The following SPATA17 variants were observed in gnomAD, a reference collection of about 807,000 sequenced individuals.
The protein encoded by SPATA17 is spermatogenesis associated 17, also known as spermatogenesis-associated protein 17.
In SPATA17, 53 loss-of-function variants were observed where a neutral mutation model predicts 62.2. The observed-to-expected ratio is 0.85, with a 90% confidence interval of 0.68 to 1.07. SPATA17 has a LOEUF of 1.07. Ranked by LOEUF, SPATA17 falls within the 50% of genes least tolerant of loss-of-function variation. SPATA17 has a pLI of 0.00. For synonymous variants in SPATA17, 146 were observed against 146.8 expected (o/e 0.99, Z 0.04); for missense variants, 466 against 425.5 (o/e 1.10, Z -0.84).
chr1:217,807,385 AC>A (rs1335723174), intron 9 of SPATA17, among the ~76,000 whole-genome samples: 1 of 151,974 alleles, frequency 6.6e-6, no homozygotes, highest in Admixed American at 6.6e-5. Context: ...CATATAACAA[AC>A]CTGTATATGT....
intron 4 of SPATA17, among the ~76,000 whole-genome samples, chr1:217,670,738 G>A (rs770659723): frequency 1.2e-4 from 19 of 152,214 alleles, no homozygotes; most frequent in South Asian, 4.1e-4. Context: ...ATCACCTGAC[G>A]TCAGGAGTTC....
chr1:217,825,337 AT>A (rs1674967176), intron 9 of SPATA17, among the ~76,000 whole-genome samples: 1 of 151,870 alleles, frequency 6.6e-6, no homozygotes. Flanking sequence ...AGAACAAGTA[AT>A]ATACATGTAA....
chr1:217,806,409 G>T (rs988603190), intron 9 of SPATA17, among the ~76,000 whole-genome samples: 1 of 152,152 alleles, frequency 6.6e-6, no homozygotes, highest in Non-Finnish European at 1.5e-5. Flanking sequence ...AAACGGTCCT[G>T]CTCCCTGGGC....
chr1:217,659,306 A>G (rs1670515657), intron 3 of SPATA17, among the ~76,000 whole-genome samples: 1 of 152,038 alleles, frequency 6.6e-6, no homozygotes, highest in Non-Finnish European at 1.5e-5. Context: ...AACCCTTGGG[A>G]AGAAAACATG....
At chr1:217,651,888 C>T (rs959753254) in intron 3 of SPATA17, among the ~76,000 whole-genome samples, 8 of 152,128 alleles carry the variant, frequency 5.3e-5, no homozygotes, top group African/African-American at 7.2e-5. Context: ...AAGTAACCGT[C>T]GTACTCATTT....
intron 9 of SPATA17, among the ~76,000 whole-genome samples, chr1:217,855,256 T>C (rs1192355619): frequency 6.6e-6 from 1 of 152,206 alleles, no homozygotes; most frequent in African/African-American, 2.4e-5. Context: ...CAGTTTCATA[T>C]AGCCTTTCTC....
intron 5 of SPATA17, among the ~76,000 whole-genome samples, chr1:217,701,667 G>A (rs1283656008): frequency 6.6e-6 from 1 of 152,116 alleles, no homozygotes; most frequent in Non-Finnish European, 1.5e-5. Flanking sequence ...GACTAGAGGT[G>A]TGAGCCATCA....
intron 10 of SPATA17, among the ~76,000 whole-genome samples, chr1:217,864,999 G>A (rs1255146402): frequency 2.6e-5 from 4 of 151,764 alleles, no homozygotes; most frequent in South Asian, 4.2e-4. Flanking sequence ...TAACAATTTT[G>A]TGAATTGACA....
chr1:217,810,617 CA>C (rs112509140), intron 9 of SPATA17, among the ~76,000 whole-genome samples: 29 of 143,086 alleles, frequency 2.0e-4, no homozygotes, highest in African/African-American at 3.3e-4. Context: ...GACTCTGTCT[CA>C]AAAAAAAAAG....
intron 5 of SPATA17, among the ~76,000 whole-genome samples, chr1:217,728,851 G>T (rs939667360): frequency 1.3e-5 from 2 of 152,134 alleles, no homozygotes; most frequent in Non-Finnish European, 2.9e-5. Flanking sequence ...AGAAGAAAAG[G>T]TGCAGTTCCA....
At chr1:217,697,233 G>A (rs1558569542) in intron 5 of SPATA17, among the ~76,000 whole-genome samples, 2 of 152,058 alleles carry the variant, frequency 1.3e-5, no homozygotes, top group African/African-American at 2.4e-5. Context: ...CGACTGCCTC[G>A]GCCTCCCAAA....
chr1:217,768,418 C>T (rs1673356338), intron 6 of SPATA17, among the ~76,000 whole-genome samples: 2 of 152,046 alleles, frequency 1.3e-5, no homozygotes, highest in Non-Finnish European at 2.9e-5. Context: ...TATGGTTTCC[C>T]ACAACCATGT....
At chr1:217,707,732 C>A (rs1037083532) in intron 5 of SPATA17, among the ~76,000 whole-genome samples, 2 of 152,100 alleles carry the variant, frequency 1.3e-5, no homozygotes, top group Admixed American at 1.3e-4. Flanking sequence ...TACTTTCCAC[C>A]CCAAAACAAC....
intron 1 of SPATA17, among the ~76,000 whole-genome samples, chr1:217,638,908 C>T (rs1002133492): frequency 6.6e-6 from 1 of 151,860 alleles, no homozygotes; most frequent in African/African-American, 2.4e-5. Context: ...AAGGAAATAT[C>T]CATAAACACA....
intron 9 of SPATA17, among the ~76,000 whole-genome samples, chr1:217,836,306 T>C (rs779789162): frequency 2.0e-5 from 3 of 152,170 alleles, no homozygotes; most frequent in Non-Finnish European, 4.4e-5. Flanking sequence ...TCAAGATTTT[T>C]CTTCCATCTG....
intron 5 of SPATA17, among the ~76,000 whole-genome samples, chr1:217,710,363 A>G (rs747994807): frequency 6.6e-6 from 1 of 152,164 alleles, no homozygotes; most frequent in Non-Finnish European, 1.5e-5. Context: ...CATTAATAAA[A>G]CATTATTAGC....
At chr1:217,766,066 T>C (rs570582963) in intron 6 of SPATA17, among the ~76,000 whole-genome samples, 5 of 152,144 alleles carry the variant, frequency 3.3e-5, no homozygotes, top group African/African-American at 1.2e-4. Flanking sequence ...TGAAGTGGGT[T>C]TCTTTTAGAC....
At chr1:217,707,402 T>C (rs929892254) in intron 5 of SPATA17, among the ~76,000 whole-genome samples, 2 of 152,202 alleles carry the variant, frequency 1.3e-5, no homozygotes, top group Non-Finnish European at 2.9e-5. Flanking sequence ...CTCTTCCTAT[T>C]TGGATGCCTT....
In SPATA17 at chr1:217,672,712, A is replaced by C. The variant is rs529101105; in HGVS notation, c.291+3629A>C. 1.1e-4 allele frequency among the ~76,000 whole-genome samples: 16 copies of C among 152,246 alleles called. No individual in the cohort carries two copies. The South Asian group carries it at 3.3e-3, about 32-fold the overall frequency. Reference sequence around the variant, plus strand: ...CTGATTTGCTGCATTTATTTTTTAAAGGGTCACCTTTTCTCTAAAGACTTT... The same window carrying C: ...CTGATTTGCTGCATTTATTTTTTAACGGGTCACCTTTTCTCTAAAGACTTT... On this transcript the variant is annotated intron_variant, in intron 4 of 10. Coordinates refer to ENST00000366933, the MANE Select transcript of SPATA17 (RefSeq NM_138796.4).
Sources: allele counts gnomAD v4.1 joint callset (sites outside exome capture counted in the v4.1 genomes callset), GRCh38; gene constraint gnomAD v4.1.1; transcripts MANE v1.5; gene names NCBI Gene and HGNC (gene_info 2026-07-23, HGNC 2026-07-21).